DIAPH2: variants seen among roughly 807,000 people sequenced by gnomAD.
DIAPH2 encodes the protein protein diaphanous homolog 2.
A neutral mutation model predicts 92.7 loss-of-function variants in DIAPH2; 35 were observed. That is an observed-to-expected ratio of 0.38 (90% CI 0.29 to 0.50). The LOEUF is 0.50. Ranked by LOEUF, DIAPH2 falls within the 20% of genes least tolerant of loss-of-function variation. The probability of loss-of-function intolerance (pLI) is 0.94; values close to 1 mark genes in which losing one functional copy is unlikely to be tolerated. For missense variants in DIAPH2, 701 were observed against 819.5 expected (o/e 0.86, Z 1.77); for synonymous variants, 301 against 280.4 (o/e 1.07, Z -0.73).
intron 1 of DIAPH2, among the ~76,000 whole-genome samples, chrX:96,708,400 C>T (rs776447029): frequency 1.8e-5 from 2 of 110,069 alleles, no homozygotes; most frequent in East Asian, 5.8e-4. Flanking sequence ...TGCCACCGCG[C>T]CTGGCTAATT....
intron 26 of DIAPH2, among the ~76,000 whole-genome samples, chrX:97,515,353 C>T (rs183579853): frequency 6.2e-5 from 7 of 112,818 alleles, no homozygotes; most frequent in Admixed American, 3.7e-4. Flanking sequence ...GAGGCAATGC[C>T]TCGCCCTGCT....
intron 16 of DIAPH2, among the ~76,000 whole-genome samples, chrX:96,959,030 T>C (rs1237057974): frequency 1.8e-5 from 2 of 111,735 alleles, no homozygotes; most frequent in Non-Finnish European, 3.8e-5. Context: ...ATCTTTGCCA[T>C]TGTGCCTAGT....
intron 4 of DIAPH2, among the ~76,000 whole-genome samples, chrX:96,874,145 G>A (rs1354934390): frequency 3.6e-5 from 4 of 111,251 alleles, no homozygotes; most frequent in Non-Finnish European, 1.9e-5. Flanking sequence ...ATTCATAGTT[G>A]AAAGAAGTAC....
At chrX:96,930,438 C>T (rs1325542910) in intron 9 of DIAPH2, among the ~76,000 whole-genome samples, 1 of 111,076 alleles carries the variant, frequency 9.0e-6, no homozygotes, top group Non-Finnish European at 1.9e-5. Context: ...AGGGCTCTGT[C>T]TGCCCACTTT....
At position 96,948,991 on chromosome X, in the gene DIAPH2, T is replaced by G. The variant is rs1300633225; in HGVS notation, c.1566T>G (p.Asp522Glu). 9 of 1,203,853 alleles carry G rather than the reference T, an allele frequency of 7.5e-6. No individual in the cohort carries two copies. The highest frequency in any genetic ancestry group is 1.0e-5 in the Non-Finnish European group (9 of 892,344). The change falls in exon 15 of 27, where the codon GAT becomes GAG. Residue 522 changes from aspartate to glutamate, a missense_variant. Physicochemically the swap from Asp to Glu is conservative, Grantham distance 45. Coordinates refer to ENST00000324765, the MANE Select transcript of DIAPH2 (RefSeq NM_006729.5). ...CTCAAGCAGAGCTTCAAAAAAGAGA[T>G]GAGAAAATCAAAGAACTTGAAGCAG... ...QEAQAELQKR[D>E]EKIKELEAEI...
At chrX:96,876,681 G>A (rs887401559) in intron 4 of DIAPH2, among the ~76,000 whole-genome samples, 8 of 108,167 alleles carry the variant, frequency 7.4e-5, no homozygotes, top group Non-Finnish European at 1.3e-4. Flanking sequence ...AACATCGCAT[G>A]TTCTCACTCA....
chrX:97,202,490 AAAAAAATAAAAAAT>A (rs930906417), intron 22 of DIAPH2, among the ~76,000 whole-genome samples: 1 of 111,781 alleles, frequency 8.9e-6, no homozygotes, highest in Admixed American at 9.5e-5. Flanking sequence ...AATGGAAAGC[AAAAAAATAAAAAAT>A]AAAAAATAAA....
At chrX:96,845,407 G>A (rs1044094033) in intron 4 of DIAPH2, among the ~76,000 whole-genome samples, 1 of 112,250 alleles carries the variant, frequency 8.9e-6, no homozygotes, top group African/African-American at 3.2e-5. Flanking sequence ...GTGAAAAGAA[G>A]CAGCTATCAG....
intron 22 of DIAPH2, among the ~76,000 whole-genome samples, chrX:97,181,734 C>A (rs2067542039): frequency 8.9e-6 from 1 of 112,425 alleles, no homozygotes; most frequent in African/African-American, 3.2e-5. Flanking sequence ...TTAACAAAGG[C>A]CTTCCTTGCC....
At chrX:97,309,489 G>C (rs1164489400) in intron 23 of DIAPH2, among the ~76,000 whole-genome samples, 1 of 111,825 alleles carries the variant, frequency 8.9e-6, no homozygotes, top group East Asian at 2.8e-4. Context: ...AATATTTCCT[G>C]ATACTCCATG....
chrX:97,356,714 A>G (rs1041376669), intron 24 of DIAPH2, among the ~76,000 whole-genome samples: 1 of 111,322 alleles, frequency 9.0e-6, no homozygotes, highest in Non-Finnish European at 1.9e-5. Flanking sequence ...TAGAAAAGCT[A>G]AATATCATAT....
intron 4 of DIAPH2, among the ~76,000 whole-genome samples, chrX:96,863,203 G>C (rs188905265): frequency 9.5e-6 from 1 of 105,493 alleles, no homozygotes; most frequent in African/African-American, 3.4e-5. Flanking sequence ...GGCTGTACCT[G>C]CTTTGTTATG....
intron 24 of DIAPH2, among the ~76,000 whole-genome samples, chrX:97,379,310 G>A (rs1055885619): frequency 8.9e-6 from 1 of 111,762 alleles, no homozygotes; most frequent in Non-Finnish European, 1.9e-5. Context: ...TGCAAAATAA[G>A]TCATTGAAAA....
At chrX:97,185,484 T>TATATATATATATATACAC (rs2067592895) in intron 22 of DIAPH2, among the ~76,000 whole-genome samples, 1 of 11,414 alleles carries the variant, frequency 8.8e-5, no homozygotes, top group Non-Finnish European at 2.1e-4. Flanking sequence ...CATATATATA[T>TATATATATATATATACAC]ATATATATAT....
intron 17 of DIAPH2, among the ~76,000 whole-genome samples, chrX:96,973,620 A>G (rs1232949413): frequency 9.1e-6 from 1 of 109,915 alleles, no homozygotes; most frequent in Admixed American, 9.7e-5. Context: ...GATTTAAAGT[A>G]TATAGGGGGA....
chrX:97,446,537 A>G (rs781394506), intron 26 of DIAPH2, among the ~76,000 whole-genome samples: 1 of 111,913 alleles, frequency 8.9e-6, no homozygotes, highest in African/African-American at 3.2e-5. Context: ...AACCTAATTG[A>G]TATGTTAATG....
chrX:96,725,357 T>TG (rs2064014654), intron 1 of DIAPH2, among the ~76,000 whole-genome samples: 1 of 111,887 alleles, frequency 8.9e-6, no homozygotes, highest in Non-Finnish European at 1.9e-5. Flanking sequence ...TGAAGCCCAT[T>TG]GGGGGAAAAA....
intron 1 of DIAPH2, among the ~76,000 whole-genome samples, chrX:96,733,769 A>G (rs1372369131): frequency 9.0e-6 from 1 of 111,725 alleles, no homozygotes; most frequent in Non-Finnish European, 1.9e-5. Flanking sequence ...CAAATGGCAG[A>G]ATGATTATCA....
intron 18 of DIAPH2, 25 bp from the exon 19 acceptor site, chrX:97,075,142 T>C: frequency 9.6e-7 from 1 of 1,042,115 alleles, no homozygotes; most frequent in Non-Finnish European, 1.3e-6. Context: ...TGTTATACTT[T>C]TAATAAAATC....
Sources: gnomAD v4.1 joint callset for allele counts (sites outside exome capture counted in the v4.1 genomes callset) on GRCh38, gnomAD v4.1.1 for gene constraint, MANE v1.5 for transcripts, NCBI Gene and HGNC (gene_info 2026-07-23, HGNC 2026-07-21) for gene names.